Variants in LAMC3 observed in about 807,000 individuals in gnomAD.
LAMC3 encodes laminin subunit gamma 3.
LAMC3 carries 128 observed loss-of-function variants against 173.8 expected under a neutral mutation model. That is an observed-to-expected ratio of 0.74 (90% confidence interval 0.64 to 0.85). The LOEUF is 0.85. LAMC3 is among the 40% of genes least tolerant of loss of function. The pLI is 0.00. For synonymous variants in LAMC3, 897 were observed against 909.1 expected, an observed-to-expected ratio of 0.99 and a Z score of 0.24; for missense variants, 2,022 against 2,156.0, an observed-to-expected ratio of 0.94 and a Z score of 1.23.
At chr9:131,065,874 G>A (rs1290161585) in intron 13 of LAMC3, among the ~76,000 whole-genome samples, 1 of 152,036 alleles carries the variant, frequency 6.6e-6, no homozygotes, top group Admixed American at 6.5e-5. Context: ...TGATGAGAAG[G>A]ATGAGGTTAG....
rs201360815 is a variant in LAMC3 at position 131,087,826 on chromosome 9, G to T, written c.4477+9G>T. ...GCTGCTTGCCAGGCTGGGTAAGGAG[G>T]CCCTAAGGCTGGGCCCTGAACCCCT... On this transcript the variant is annotated intron_variant, in intron 27 of 27. Transcript: ENST00000361069. The T allele has an allele frequency of 2.1e-4, 331 of 1,612,514 alleles. No individual in the cohort carries two copies. The African/African-American group carries it at 4.0e-3, about 20-fold the overall frequency.
intron 7 of LAMC3, among the ~76,000 whole-genome samples, chr9:131,042,286 CT>C (rs1415682464): frequency 6.6e-6 from 1 of 151,582 alleles, no homozygotes; most frequent in Non-Finnish European, 1.5e-5. Context: ...CACGGCAGAC[CT>C]ATCACAGCCC....
chr9:131,046,280 C>T (rs1001112535), intron 8 of LAMC3, among the ~76,000 whole-genome samples: 15 of 145,884 alleles, frequency 1.0e-4, no homozygotes, highest in Non-Finnish European at 2.1e-4. Context: ...CAGCTCACTG[C>T]AGCCACCACC....
chr9:131,067,166 G>T lies in LAMC3; in HGVS notation c.2554G>T (p.Gly852Trp). The change falls in exon 14 of 28, where the codon GGG (glycine) becomes TGG (tryptophan). Residue 852 changes from glycine (G) to tryptophan (W), a missense_variant. By Grantham distance (184) the Gly-to-Trp change is radical. Coordinates refer to ENST00000361069, the MANE Select transcript of LAMC3 (RefSeq NM_006059.4). ...TGAGCACTGTCAGGAAGGCTTCTAC[G>T]GGAGCGCCCTGGCCCCTCGACCCGC... ...HCEHCQEGFYGSALAPRPADK... is the reference protein window; with the variant it reads ...HCEHCQEGFYWSALAPRPADK... The T allele has an allele frequency of 6.2e-7, 1 of 1,614,112 alleles. No homozygotes were observed.
rs113034374 is a variant in LAMC3, at chr9:131,089,755, G to A, written c.4478-1782G>A. Among the ~76,000 whole-genome samples, 940 of 152,208 alleles carry A rather than the reference G, an allele frequency of 6.2e-3. 7 individuals are homozygous for A. Among genetic ancestry groups the A allele is most frequent in the African/African-American group, 0.022 (906 of 41,552 alleles). On this transcript the variant is annotated intron_variant, in intron 27 of 27. Coordinates refer to ENST00000361069, the MANE Select transcript of LAMC3 (RefSeq NM_006059.4). ...GTCATCAAGATTCACCCATGTGGCA[G>A]CAAGCATTTTCAATTTTCATTCGTA...
chr9:131,080,195 C>G (rs1830213002), intron 23 of LAMC3, among the ~76,000 whole-genome samples: 1 of 151,012 alleles, frequency 6.6e-6, no homozygotes, highest in Non-Finnish European at 1.5e-5. Context: ...AGGCTGGTCT[C>G]GAACTCCTGG....
chr9:131,090,787 G>A (rs1027750898), intron 27 of LAMC3, among the ~76,000 whole-genome samples: 2 of 152,222 alleles, frequency 1.3e-5, no homozygotes, highest in African/African-American at 4.8e-5. Flanking sequence ...AGCACTTTGG[G>A]AGGCTGAGGC....
intron 3 of LAMC3, among the ~76,000 whole-genome samples, chr9:131,032,456 T>C (rs1833843386): frequency 6.8e-6 from 1 of 146,754 alleles, no homozygotes; most frequent in Non-Finnish European, 1.5e-5. Context: ...CCTCCCTCCC[T>C]TCCTCCCTTC....
chr9:131,066,919 C>T (rs1829944868), intron 13 of LAMC3, 41 bp from the exon 14 acceptor site: 2 of 1,609,272 alleles, frequency 1.2e-6, no homozygotes, highest in South Asian at 1.1e-5. Flanking sequence ...CTGGTGGGTC[C>T]AGCCAGCTGT....
chr9:131,060,959 C>G (rs1829796725), intron 12 of LAMC3, 76 bp from the exon 13 acceptor site: 1 of 1,495,158 alleles, frequency 6.7e-7, no homozygotes, highest in African/African-American at 1.4e-5. Flanking sequence ...GATGTGCTCC[C>G]TAACCTCTCC....
In LAMC3 at chr9:131,045,234, A is replaced by AAC. The variant is rs1554786016; in HGVS notation, c.1383-289_1383-288insCA. 0.054 allele frequency among the ~76,000 whole-genome samples: 4,859 copies of AAC among 90,134 alleles called. 225 individuals carry two copies. Among genetic ancestry groups the AAC allele is most frequent in the African/African-American group, 0.17 (4,465 of 26,868 alleles). The allele number at this position is 90,134 out of a possible 152,430, so 59.1% of individuals were successfully genotyped here. On this transcript the variant is annotated intron_variant, in intron 7 of 27. Transcript: ENST00000361069. Reference sequence around the variant, plus strand: ...AAGACTCTGTCTCAAAAAAAAAAAAAAACAACAACAACAAAAAAACAAAAC... The same window carrying AAC: ...AAGACTCTGTCTCAAAAAAAAAAAAAACAACAACAACAACAAAAAAACAAAAC...
intron 13 of LAMC3, among the ~76,000 whole-genome samples, chr9:131,066,608 T>G (rs1397762054): frequency 6.6e-6 from 1 of 151,978 alleles, no homozygotes; most frequent in Non-Finnish European, 1.5e-5. Flanking sequence ...ATGATGAGGG[T>G]GTGAGGACAG....
intron 4 of LAMC3, among the ~76,000 whole-genome samples, chr9:131,036,584 T>C (rs574667521): frequency 4.6e-5 from 7 of 152,160 alleles, no homozygotes; most frequent in Admixed American, 3.9e-4. Context: ...GCGCCTGTGG[T>C]GGGAGGGCCG....
intron 27 of LAMC3, among the ~76,000 whole-genome samples, chr9:131,089,714 T>C (rs1294690737): frequency 2.0e-5 from 3 of 152,158 alleles, no homozygotes; most frequent in African/African-American, 7.2e-5. Context: ...GACTGACTTA[T>C]TTCACTTAGC....
rs1354255622 is a variant in LAMC3 at position 131,009,401 on chromosome 9, C to A, written c.187C>A (p.Pro63Thr). Residue 63 changes from proline to threonine, a missense_variant, in exon 1 of 28, where the codon CCC becomes ACC. By Grantham distance (38) the Pro-to-Thr change is conservative. Transcript: ENST00000361069. This position sits in a 1 kb window ranked among gnomAD's most constrained non-coding sequence, Gnocchi z 4.3. ...CGGCAGCCCGCCCGAGGACTTCTGT[C>A]CCCACGTGGGCGCCGCGGGCGCGGG... ...TCGSPPEDFC[P>T]HVGAAGAGAH... 9 of 1,539,050 alleles carry A rather than the reference C, an allele frequency of 5.8e-6. No homozygotes were observed. The highest frequency in any genetic ancestry group is 7.9e-6 in the Non-Finnish European group (9 of 1,144,926).
chr9:131,027,626 T>C (rs1197503623), intron 2 of LAMC3, among the ~76,000 whole-genome samples: 1 of 151,484 alleles, frequency 6.6e-6, no homozygotes, highest in African/African-American at 2.4e-5. Flanking sequence ...TAAATATTAA[T>C]AAATTTAATA....
In LAMC3 at chr9:131,059,394, A is replaced by C. The variant is rs1012627728; in HGVS notation, c.2159-1641A>C. 2.6e-4 allele frequency among the ~76,000 whole-genome samples: 37 copies of C among 142,708 alleles called. No homozygotes were observed. The Admixed American group carries it at 2.7e-3, about 10-fold the overall frequency. 93.6% of individuals were successfully genotyped at this position (142,708 alleles called of 152,430 possible). On this transcript the variant is annotated intron_variant, in intron 12 of 27. Coordinates refer to ENST00000361069, the MANE Select transcript of LAMC3 (RefSeq NM_006059.4). Reference sequence around the variant, plus strand: ...GTAATCCCATCTACTAGGGAGGCTGAGGCAGGTGAATTGTTTGAACCCAGG... The same window carrying C: ...GTAATCCCATCTACTAGGGAGGCTGCGGCAGGTGAATTGTTTGAACCCAGG...
intron 8 of LAMC3, among the ~76,000 whole-genome samples, chr9:131,046,986 G>T (rs1172296447): frequency 6.6e-6 from 1 of 152,062 alleles, no homozygotes; most frequent in African/African-American, 2.4e-5. Flanking sequence ...TGGGTCCGGG[G>T]GTCTAGGGTG....
At chr9:131,059,991 C>T (rs1246217935) in intron 12 of LAMC3, among the ~76,000 whole-genome samples, 1 of 152,190 alleles carries the variant, frequency 6.6e-6, no homozygotes, top group East Asian at 1.9e-4. Context: ...AACCCCTTCT[C>T]AGCCAGGCTT....
Sources: gnomAD v4.1 joint callset for allele counts (sites outside exome capture counted in the v4.1 genomes callset) on GRCh38, gnomAD v4.1.1 for gene constraint, Gnocchi (gnomAD v3.1) non-coding constraint, MANE v1.5 for transcripts, NCBI Gene and HGNC (gene_info 2026-07-23, HGNC 2026-07-21) for gene names.